EFCAB6: variants seen among roughly 807,000 people sequenced by gnomAD.
The protein encoded by EFCAB6 is EF-hand calcium binding domain 6.
EFCAB6 carries 156 observed loss-of-function variants against 169.8 expected under a neutral mutation model. The observed-to-expected ratio is 0.92, with a 90% CI of 0.81 to 1.05. The LOEUF (loss-of-function observed/expected upper bound fraction) is 1.05, where lower values mean the gene tolerates loss of function less well. Ranked by LOEUF, EFCAB6 falls within the 50% of genes least tolerant of loss-of-function variation. The pLI is 0.00. For missense variants in EFCAB6, 1,800 were observed against 1,829.1 expected (o/e 0.98, Z 0.29); for synonymous variants, 698 against 676.4 (o/e 1.03, Z -0.50).
intron 12 of EFCAB6, among the ~76,000 whole-genome samples, chr22:43,681,512 G>A (rs1430086260): frequency 6.6e-6 from 1 of 152,188 alleles, no homozygotes; most frequent in Non-Finnish European, 1.5e-5. Context: ...TTTTCTGAAA[G>A]TTTGTGAAGG....
At chr22:43,732,742 C>T (rs527699445) in intron 7 of EFCAB6, among the ~76,000 whole-genome samples, 1 of 152,260 alleles carries the variant, frequency 6.6e-6, no homozygotes, top group Non-Finnish European at 1.5e-5. Flanking sequence ...GCTGGAATTA[C>T]AGGCATGAGC....
intron 21 of EFCAB6, 56 bp from the exon 22 acceptor site, chr22:43,608,656 A>C: frequency 6.5e-7 from 1 of 1,538,020 alleles, no homozygotes. Flanking sequence ...ATGACAGCAG[A>C]AAAGATGTTC....
At chr22:43,708,296 C>T (rs2059031226) in intron 10 of EFCAB6, among the ~76,000 whole-genome samples, 1 of 151,974 alleles carries the variant, frequency 6.6e-6, no homozygotes, top group African/African-American at 2.4e-5. Context: ...AACCCAGCTA[C>T]TGGAGAAGCT....
chr22:43,539,924 C>T (rs2047598177), intron 28 of EFCAB6, among the ~76,000 whole-genome samples: 1 of 152,182 alleles, frequency 6.6e-6, no homozygotes, highest in African/African-American at 2.4e-5. Flanking sequence ...CTCCACCGTT[C>T]CTATCCCCAC....
chr22:43,721,071 A>G (rs760159270), intron 8 of EFCAB6, among the ~76,000 whole-genome samples: 12 of 152,218 alleles, frequency 7.9e-5, no homozygotes, highest in Admixed American at 2.6e-4. Flanking sequence ...TGGCATTTCT[A>G]TACATCAATA....
At chr22:43,604,831 T>C (rs735234) in intron 22 of EFCAB6, among the ~76,000 whole-genome samples, 36,477 of 152,104 alleles carry the variant, frequency 0.24, 5,449 homozygotes, top group East Asian at 0.62. Context: ...GGGCATTAAT[T>C]ATCTTGCAAA....
chr22:43,700,492 T>C (rs1263749394), intron 10 of EFCAB6, among the ~76,000 whole-genome samples: 1 of 152,252 alleles, frequency 6.6e-6, no homozygotes, highest in East Asian at 1.9e-4. Flanking sequence ...TAAGTTAAAA[T>C]GCAGTAAGCC....
chr22:43,738,690 C>T (rs1367874500), intron 6 of EFCAB6, among the ~76,000 whole-genome samples: 1 of 152,154 alleles, frequency 6.6e-6, no homozygotes, highest in Non-Finnish European at 1.5e-5. Flanking sequence ...TGCACATACC[C>T]CATCCACACA....
chr22:43,631,214 T>C (rs361729), intron 19 of EFCAB6, among the ~76,000 whole-genome samples: 39,156 of 151,120 alleles, frequency 0.26, 5,424 homozygotes, highest in African/African-American at 0.33. Flanking sequence ...GGGGTGAGGA[T>C]GCAGTCTAAC....
chr22:43,700,387 G>C (rs1465760356), intron 10 of EFCAB6, among the ~76,000 whole-genome samples: 1 of 152,104 alleles, frequency 6.6e-6, no homozygotes, highest in Non-Finnish European at 1.5e-5. Context: ...TTAGGCATAA[G>C]ATTTTAGATT....
rs927065 is a variant in EFCAB6, at chr22:43,544,293, A to T, written c.3649-3936T>A. Among the ~76,000 whole-genome samples, 746 of 151,916 alleles carry T rather than the reference A, an allele frequency of 4.9e-3. 19 individuals are homozygous for T. The East Asian group carries it at 0.073, about 15-fold the overall frequency. ...AGAAAATATACATTATATCAAATTGACTGCACCTATGCTCCCACCCCACAG... is the reference window on the plus strand; with the variant it reads ...AGAAAATATACATTATATCAAATTGTCTGCACCTATGCTCCCACCCCACAG... On this transcript the variant is annotated intron_variant, in intron 27 of 31. Transcript: ENST00000262726.
rs2061293892 is a variant in EFCAB6 at position 43,765,360 on chromosome 22, G to C, written c.385C>G (p.Leu129Val). 4 of 1,612,386 alleles carry C rather than the reference G, an allele frequency of 2.5e-6. No homozygotes were observed. The highest frequency in any genetic ancestry group is 3.4e-6 in the Non-Finnish European group (4 of 1,179,016). ...PLSTSGTVPY[L>V]AFLSRFGGID... ...CCACCAAACCTGGACAGAAAGGCAA[G>C]GTACGGTACAGTACCAGAGGTGCTA... Residue 129 changes from leucine (L) to valine (V), a missense_variant, in exon 5 of 32, where the codon CTT becomes GTT. Transcript: ENST00000262726.
rs1257315948 is a variant in EFCAB6, at chr22:43,672,064, C to T, written c.1549G>A (p.Asp517Asn). The change falls in exon 15 of 32, where the codon GAC becomes AAC. Residue 517 changes from aspartate to asparagine, a missense_variant. Transcript: ENST00000262726. ...CCAATGCGCCCTGTGTCTCCAAGGT[C>T]ATATGAGCGTAGCATGTTATAAAAA... ...QAFYNMLRSY[D>N]LGDTGRIGRN... is the part of the protein sequence containing the mutation. The T allele has an allele frequency of 6.2e-7, 1 of 1,614,168 alleles. No individual in the cohort carries two copies. Among genetic ancestry groups the T allele is most frequent in the Non-Finnish European group, 8.5e-7 (1 of 1,180,024 alleles).
chr22:43,534,897 T>C (rs769845787), intron 29 of EFCAB6, 25 bp from the exon 30 acceptor site: 5 of 1,581,570 alleles, frequency 3.2e-6, no homozygotes, highest in Non-Finnish European at 1.7e-6. Context: ...GGCAGTTCAA[T>C]TGGTGGCGAT....
At chr22:43,533,100 G>A (rs1326241539) in intron 30 of EFCAB6, among the ~76,000 whole-genome samples, 1 of 152,208 alleles carries the variant, frequency 6.6e-6, no homozygotes, top group Non-Finnish European at 1.5e-5. Context: ...GAGAACCAAA[G>A]GTAAAAATCT....
Position 43,784,613 on chromosome 22 carries a change from GTATATATACACATATA to G in EFCAB6, c.-7-2304_-7-2289del, listed in dbSNP as rs1569487754. Reference sequence around the variant, plus strand: ...TATGTATATATACACATATATATGTGTATATATACACATATATATGTATATGTACACATATATATGT... The same window carrying G: ...TATGTATATATACACATATATATGTGTATGTATATGTACACATATATATGT... On this transcript the variant is annotated intron_variant, in intron 2 of 31. Coordinates refer to ENST00000262726, the MANE Select transcript of EFCAB6 (RefSeq NM_022785.4). Among the ~76,000 whole-genome samples, 309 of 75,834 alleles carry G rather than the reference GTATATATACACATATA, an allele frequency of 4.1e-3. 34 individuals are homozygous for G. The highest frequency in any genetic ancestry group is 0.017 in the South Asian group (40 of 2,286). 49.8% of individuals were successfully genotyped at this position (75,834 alleles called of 152,430 possible).
intron 26 of EFCAB6, among the ~76,000 whole-genome samples, chr22:43,561,099 C>T (rs529353101): frequency 5.9e-4 from 90 of 152,264 alleles, no homozygotes; most frequent in African/African-American, 2.1e-3. Flanking sequence ...TGGCTCACAC[C>T]TGTAATCTCA....
chr22:43,739,048 C>A (rs1430532105), intron 6 of EFCAB6, among the ~76,000 whole-genome samples: 2 of 152,212 alleles, frequency 1.3e-5, no homozygotes, highest in Non-Finnish European at 2.9e-5. Flanking sequence ...GAAATAGAAC[C>A]TCCCTCCTTG....
At chr22:43,694,041 T>C (rs1373636016) in intron 10 of EFCAB6, among the ~76,000 whole-genome samples, 1 of 151,798 alleles carries the variant, frequency 6.6e-6, no homozygotes, top group Non-Finnish European at 1.5e-5. Context: ...AACAAAAGAA[T>C]GGAGAGGACA....
Sources: gnomAD v4.1 joint callset for allele counts (sites outside exome capture counted in the v4.1 genomes callset) on GRCh38, gnomAD v4.1.1 for gene constraint, MANE v1.5 for transcripts, NCBI Gene and HGNC (gene_info 2026-07-23, HGNC 2026-07-21) for gene names.